SMYD3: variants seen among roughly 807,000 people sequenced by gnomAD.
SMYD3 encodes the protein SET and MYND domain containing 3.
SMYD3 carries 36 observed loss-of-function variants against 57.7 expected under a neutral mutation model. The ratio of observed to expected loss-of-function variants is 0.62; its 90% CI spans 0.48 to 0.82. The LOEUF (loss-of-function observed/expected upper bound fraction) is 0.82, where lower values mean the gene tolerates loss of function less well. Among genes scored for constraint, SMYD3 ranks in the 40% least tolerant of loss-of-function variants. SMYD3 has a pLI of 0.00. For synonymous variants in SMYD3, 211 were observed against 195.0 expected (o/e 1.08, Z -0.68); for missense variants, 515 against 538.8 (o/e 0.96, Z 0.44).
At chr1:245,836,162 G>C (rs2050096216) in intron 10 of SMYD3, among the ~76,000 whole-genome samples, 1 of 152,212 alleles carries the variant, frequency 6.6e-6, no homozygotes, top group Non-Finnish European at 1.5e-5. Context: ...TCTGTGGCCA[G>C]GAGAGAAGGA....
chr1:246,101,609 G>A (rs556264707), intron 5 of SMYD3, among the ~76,000 whole-genome samples: 31 of 152,252 alleles, frequency 2.0e-4, no homozygotes, highest in Admixed American at 6.5e-4. Context: ...TCATTTAATT[G>A]TACATTGAAA....
intron 1 of SMYD3, among the ~76,000 whole-genome samples, chr1:246,430,460 C>T (rs2067279761): frequency 6.6e-6 from 1 of 152,186 alleles, no homozygotes; most frequent in African/African-American, 2.4e-5. Context: ...CCGTATGTGG[C>T]AGAGTGGACT....
intron 1 of SMYD3, among the ~76,000 whole-genome samples, chr1:246,361,198 C>T (rs56735612): frequency 0.016 from 2,456 of 152,224 alleles, 63 homozygotes; most frequent in African/African-American, 0.056. Flanking sequence ...TGGAAAAATG[C>T]TCAACATCAC....
chr1:245,860,818 A>G (rs1384262096), intron 9 of SMYD3, among the ~76,000 whole-genome samples: 1 of 152,210 alleles, frequency 6.6e-6, no homozygotes, highest in Non-Finnish European at 1.5e-5. Context: ...AGGATTAGAT[A>G]TTTGACGAAC....
At chr1:245,797,191 G>C (rs376801139) in intron 10 of SMYD3, among the ~76,000 whole-genome samples, 51 of 152,146 alleles carry the variant, frequency 3.4e-4, no homozygotes, top group Non-Finnish European at 6.6e-4. Flanking sequence ...ATACCCAAAG[G>C]AATATCAATC....
chr1:246,333,182 C>A (rs1572391609), intron 3 of SMYD3, among the ~76,000 whole-genome samples: 1 of 152,120 alleles, frequency 6.6e-6, no homozygotes, highest in Admixed American at 6.5e-5. Flanking sequence ...GCAACATGAA[C>A]CGGAGTTCAG....
chr1:246,341,350 G>A (rs2065630795), intron 2 of SMYD3, among the ~76,000 whole-genome samples: 1 of 152,164 alleles, frequency 6.6e-6, no homozygotes, highest in Non-Finnish European at 1.5e-5. Context: ...GAACTGTTCT[G>A]TAATGCTGAT....
At chr1:246,287,693 T>C (rs1303385327) in intron 5 of SMYD3, among the ~76,000 whole-genome samples, 1 of 152,168 alleles carries the variant, frequency 6.6e-6, no homozygotes, top group African/African-American at 2.4e-5. Context: ...GTCTCTGTTT[T>C]GGCCAGGGGC....
At chr1:246,096,584 T>C (rs974791193) in intron 5 of SMYD3, among the ~76,000 whole-genome samples, 18 of 152,202 alleles carry the variant, frequency 1.2e-4, no homozygotes, top group African/African-American at 3.9e-4. Context: ...ATTGTACTTA[T>C]GGGAATGCTT....
intron 5 of SMYD3, among the ~76,000 whole-genome samples, chr1:246,215,006 A>G (rs1283543180): frequency 6.6e-6 from 1 of 152,140 alleles, no homozygotes; most frequent in Non-Finnish European, 1.5e-5. Context: ...TCTCTAAAAA[A>G]TGCTGCTGCT....
chr1:246,040,203 A>T (rs1036569798), intron 5 of SMYD3, among the ~76,000 whole-genome samples: 2 of 152,222 alleles, frequency 1.3e-5, no homozygotes, highest in African/African-American at 4.8e-5. Context: ...TATTACATAT[A>T]CAACCGGGAT....
intron 5 of SMYD3, among the ~76,000 whole-genome samples, chr1:246,237,543 G>A (rs2063531966): frequency 7.2e-6 from 1 of 138,512 alleles, no homozygotes; most frequent in African/African-American, 2.7e-5. Flanking sequence ...CAGCTTCCTG[G>A]TTAATCTCAG....
Position 245,749,376 on chromosome 1 carries a change from A to G in SMYD3, c.*187T>C, listed in dbSNP as rs184962040. The stretch of plus-strand genomic sequence containing the variant: ...CAACCAAATGTTTTGAATTTATTAT[A>G]ATCGTGCTTCTCTACAACTAATGAT... On this transcript the variant is annotated 3_prime_UTR_variant, in exon 12 of 12. Transcript: ENST00000490107. The G allele has an allele frequency of 2.0e-6, 1 of 499,380 alleles. No homozygotes were observed. Among genetic ancestry groups the G allele is most frequent in the Admixed American group, 3.8e-5 (1 of 26,498 alleles). 30.9% of individuals were successfully genotyped at this position (499,380 alleles called of 1,614,324 possible).
At position 245,951,461 on chromosome 1, in the gene SMYD3, C is replaced by T. The variant is rs549360322; in HGVS notation, c.532-21524G>A. 4.4e-5 allele frequency among the ~76,000 whole-genome samples: 6 copies of T among 136,652 alleles called. 2 individuals are homozygous for T. Among genetic ancestry groups the T allele is most frequent in the South Asian group, 5.0e-4 (2 of 4,018 alleles). The allele number at this position is 136,652 out of a possible 152,430, so 89.6% of individuals were successfully genotyped here. A position where few individuals can be genotyped will look rare whatever the true frequency, so the allele number is the denominator to read the frequency against. ...GTGCACGCCTGTAGTCCCAGCTACT[C>T]GGGAGGCTGAGGCAGGAGAATGGCG... On this transcript the variant is annotated intron_variant, in intron 5 of 11. Transcript: ENST00000490107.
intron 5 of SMYD3, among the ~76,000 whole-genome samples, chr1:245,936,702 TTG>T (rs1160058036): frequency 6.6e-6 from 1 of 152,128 alleles, no homozygotes; most frequent in Non-Finnish European, 1.5e-5. Flanking sequence ...TGAGACCAGC[TTG>T]GGCAACATGG....
chr1:246,238,638 T>C (rs1038775036), intron 5 of SMYD3, among the ~76,000 whole-genome samples: 1 of 152,166 alleles, frequency 6.6e-6, no homozygotes, highest in Middle Eastern at 3.2e-3. Flanking sequence ...GCAGATTTCA[T>C]TTTCGTTTTT....
At chr1:246,193,725 G>A (rs114900695) in intron 5 of SMYD3, 2,219 of 144,502 alleles carry the variant, frequency 0.015, 38 homozygotes, top group South Asian at 0.08. Flanking sequence ...GACGGCCTCC[G>A]CCAGCAGCAC....
chr1:246,299,605 T>C (rs186330840), intron 5 of SMYD3, among the ~76,000 whole-genome samples: 8 of 152,146 alleles, frequency 5.3e-5, no homozygotes, highest in African/African-American at 2.4e-5. Context: ...CCATCAATGG[T>C]AGACTGAATT....
At chr1:245,784,258 T>A (rs1223229109) in intron 10 of SMYD3, among the ~76,000 whole-genome samples, 3 of 152,178 alleles carry the variant, frequency 2.0e-5, no homozygotes, top group Non-Finnish European at 4.4e-5. Context: ...AAAAGCTAGT[T>A]TGGAAGTGTT....
Sources: allele counts gnomAD v4.1 joint callset (sites outside exome capture counted in the v4.1 genomes callset), GRCh38; gene constraint gnomAD v4.1.1; transcripts MANE v1.5; gene names NCBI Gene and HGNC (gene_info 2026-07-23, HGNC 2026-07-21).